The following NAALADL2 variants were observed in gnomAD, a reference collection of about 807,000 sequenced individuals.
The protein encoded by NAALADL2 is N-acetylated alpha-linked acidic dipeptidase like 2.
A neutral mutation model predicts 87.2 loss-of-function variants in NAALADL2; 76 were observed. The ratio of observed to expected loss-of-function variants is 0.87; its 90% confidence interval spans 0.72 to 1.05. NAALADL2 has a LOEUF of 1.05. Among genes scored for constraint, NAALADL2 ranks in the 50% least tolerant of loss-of-function variants. The pLI is 0.00. For synonymous variants in NAALADL2, 354 were observed against 331.0 expected (o/e 1.07, Z -0.75); for missense variants, 1,089 against 945.8 (o/e 1.15, Z -1.99).
At chr3:174,985,742 C>T (rs902596284) in intron 1 of NAALADL2, among the ~76,000 whole-genome samples, 4 of 152,048 alleles carry the variant, frequency 2.6e-5, no homozygotes, top group Admixed American at 1.3e-4. Context: ...CACCTGAGGT[C>T]GGGAGTTCGA....
At chr3:174,770,762 C>T (rs1375985175) in intron 3 of NAALADL2, among the ~76,000 whole-genome samples, 2 of 151,354 alleles carry the variant, frequency 1.3e-5, no homozygotes, top group Non-Finnish European at 2.9e-5. Flanking sequence ...ATGGCGTGAA[C>T]CGGGAGGCAG....
intron 1 of NAALADL2, among the ~76,000 whole-genome samples, chr3:175,086,601 C>T (rs1328313942): frequency 6.6e-6 from 1 of 152,040 alleles, no homozygotes; most frequent in African/African-American, 2.4e-5. Context: ...TTCTTTGCGG[C>T]TCTTACATTT....
intron 1 of NAALADL2, among the ~76,000 whole-genome samples, chr3:175,002,536 A>G (rs79445773): frequency 0.016 from 2,460 of 152,306 alleles, 38 homozygotes; most frequent in African/African-American, 0.041. Context: ...TATGCTGGTC[A>G]TGAAACAAGC....
intron 5 of NAALADL2, among the ~76,000 whole-genome samples, chr3:175,405,800 G>A (rs1271186381): frequency 6.6e-6 from 1 of 152,112 alleles, no homozygotes; most frequent in Non-Finnish European, 1.5e-5. Context: ...ATCCTATGAG[G>A]TTAAGTACTA....
chr3:174,605,229 G>C (rs984034424), intron 2 of NAALADL2, among the ~76,000 whole-genome samples: 3 of 152,190 alleles, frequency 2.0e-5, no homozygotes, highest in African/African-American at 7.2e-5. Context: ...AGCTCCCAGC[G>C]TGAGCAACGC....
intron 4 of NAALADL2, among the ~76,000 whole-genome samples, chr3:175,257,882 T>C (rs1010192517): frequency 2.0e-5 from 3 of 152,146 alleles, no homozygotes; most frequent in Non-Finnish European, 4.4e-5. Context: ...TTTCTAAGCC[T>C]TTAAAAAATG....
chr3:175,167,257 CTT>C (rs1447255031), intron 2 of NAALADL2, among the ~76,000 whole-genome samples: 1 of 152,052 alleles, frequency 6.6e-6, no homozygotes, highest in Non-Finnish European at 1.5e-5. Flanking sequence ...TCCAATAACA[CTT>C]TATTTACAAA....
At chr3:175,274,327 G>A (rs565951440) in intron 4 of NAALADL2, among the ~76,000 whole-genome samples, 65 of 152,138 alleles carry the variant, frequency 4.3e-4, no homozygotes, top group Non-Finnish European at 7.9e-4. Context: ...CCCACGACAC[G>A]TGGGGATTAT....
At chr3:175,443,518 T>C (rs2193839) in intron 5 of NAALADL2, among the ~76,000 whole-genome samples, 1 of 152,206 alleles carries the variant, frequency 6.6e-6, no homozygotes, top group Non-Finnish European at 1.5e-5. Flanking sequence ...ATTTAATATG[T>C]CTGCTGGGGG....
At chr3:174,710,315 C>G (rs1006868269) in intron 2 of NAALADL2, among the ~76,000 whole-genome samples, 120 of 147,928 alleles carry the variant, frequency 8.1e-4, no homozygotes, top group African/African-American at 2.9e-3. Flanking sequence ...AATGCAGTGG[C>G]GCGATCTCGG....
chr3:175,071,755 A>G (rs528030230), intron 1 of NAALADL2, among the ~76,000 whole-genome samples: 34 of 151,888 alleles, frequency 2.2e-4, no homozygotes, highest in Non-Finnish European at 4.7e-4. Context: ...GCATTTGAAG[A>G]AAAATGAGAG....
chr3:174,963,928 A>C (rs1221255362), intron 1 of NAALADL2, among the ~76,000 whole-genome samples: 1 of 152,110 alleles, frequency 6.6e-6, no homozygotes, highest in East Asian at 1.9e-4. Context: ...ATTTTCTGAC[A>C]ATGTAAATAA....
intron 12 of NAALADL2, among the ~76,000 whole-genome samples, chr3:175,750,077 G>T (rs2150121441): frequency 6.6e-6 from 1 of 152,264 alleles, no homozygotes; most frequent in South Asian, 2.1e-4. Flanking sequence ...CTGAGCTGTG[G>T]ATTAAGTCCA....
chr3:174,693,698 G>A (rs566670888), intron 2 of NAALADL2, among the ~76,000 whole-genome samples: 1 of 152,232 alleles, frequency 6.6e-6, no homozygotes, highest in South Asian at 2.1e-4. Flanking sequence ...GAGAGGAATA[G>A]GAGGCAAGGG....
intron 10 of NAALADL2, among the ~76,000 whole-genome samples, chr3:175,583,617 A>G (rs1720112623): frequency 6.6e-6 from 1 of 152,238 alleles, no homozygotes; most frequent in African/African-American, 2.4e-5. Flanking sequence ...GTTTTAAACA[A>G]GAGGCAGTAA....
intron 1 of NAALADL2, among the ~76,000 whole-genome samples, chr3:174,539,744 T>C (rs901774343): frequency 2.0e-5 from 3 of 152,088 alleles, no homozygotes; most frequent in Admixed American, 6.6e-5. Context: ...CACAAACTAA[T>C]AGTTTCAATA....
At chr3:175,480,251 G>A (rs1299064217) in intron 9 of NAALADL2, among the ~76,000 whole-genome samples, 2 of 151,568 alleles carry the variant, frequency 1.3e-5, no homozygotes, top group African/African-American at 4.8e-5. Context: ...ATAAACATTG[G>A]TGGAATACAA....
intron 13 of NAALADL2, among the ~76,000 whole-genome samples, chr3:175,763,564 G>T (rs980348862): frequency 6.6e-6 from 1 of 152,070 alleles, no homozygotes; most frequent in Non-Finnish European, 1.5e-5. Flanking sequence ...GGACTAAACT[G>T]AACAGAAACA....
At chr3:175,314,613 G>C (rs1409778999) in intron 4 of NAALADL2, among the ~76,000 whole-genome samples, 1 of 92,548 alleles carries the variant, frequency 1.1e-5, no homozygotes, top group Non-Finnish European at 2.1e-5. Flanking sequence ...TATACATACT[G>C]TAAAATAGTT....
Sources: allele counts gnomAD v4.1 joint callset (sites outside exome capture counted in the v4.1 genomes callset), GRCh38; gene constraint gnomAD v4.1.1; transcripts MANE v1.5; gene names NCBI Gene and HGNC (gene_info 2026-07-23, HGNC 2026-07-21).